The following GFRA1 variants were observed in gnomAD, a reference collection of about 807,000 sequenced individuals.
The protein encoded by GFRA1 is GDNF family receptor alpha 1.
GFRA1 carries 16 observed loss-of-function variants against 51.6 expected under a neutral mutation model. That is an observed-to-expected ratio of 0.31 (90% CI 0.21 to 0.47). The LOEUF is 0.47. GFRA1 is among the 20% of genes least tolerant of loss of function. The pLI is 1.00. For synonymous variants in GFRA1, 270 were observed against 241.3 expected (o/e 1.12, Z -1.10); for missense variants, 530 against 594.3 (o/e 0.89, Z 1.13).
chr10:116,150,302 C>A (rs1390262258), intron 5 of GFRA1, among the ~76,000 whole-genome samples: 1 of 152,132 alleles, frequency 6.6e-6, no homozygotes, highest in African/African-American at 2.4e-5. Context: ...AACTAATGTC[C>A]TTGCTGTCAC....
intron 6 of GFRA1, among the ~76,000 whole-genome samples, chr10:116,106,477 C>T (rs934630501): frequency 7.9e-5 from 12 of 152,208 alleles, no homozygotes; most frequent in African/African-American, 2.4e-4. Flanking sequence ...CCAAATCTCA[C>T]GCTGAAACGT....
intron 4 of GFRA1, among the ~76,000 whole-genome samples, chr10:116,257,346 C>A (rs1968949269): frequency 6.7e-6 from 1 of 150,172 alleles, no homozygotes; most frequent in Admixed American, 6.6e-5. Context: ...AGCCAGCCTG[C>A]CACAGAGACT....
chr10:116,062,492 CT>C lies in GFRA1; in HGVS notation c.*1905del, dbSNP rs768403936. On this transcript the variant is annotated 3_prime_UTR_variant, in exon 11 of 11. Transcript: ENST00000355422. Reference sequence around the variant, plus strand: ...TGATTAACATTTGGACACAAATATACTTTTAACACCAATAGAGCTGAAAGAC... The same window carrying C: ...TGATTAACATTTGGACACAAATATACTTTAACACCAATAGAGCTGAAAGAC... 1 of 177,882 alleles carries C rather than the reference CT, an allele frequency of 5.6e-6. No individual in the cohort carries two copies. Among genetic ancestry groups the C allele is most frequent in the Non-Finnish European group, 1.2e-5 (1 of 85,802 alleles). The allele number at this position is 177,882 out of a possible 1,614,324, so 11.0% of individuals were successfully genotyped here.
intron 5 of GFRA1, among the ~76,000 whole-genome samples, chr10:116,196,603 A>AT (rs1963817227): frequency 1.9e-5 from 1 of 52,750 alleles, no homozygotes; most frequent in African/African-American, 6.8e-5. Context: ...TATAATATAT[A>AT]TATAGTACTA....
chr10:116,073,937 G>A (rs1028327409), intron 9 of GFRA1, among the ~76,000 whole-genome samples: 2 of 152,030 alleles, frequency 1.3e-5, no homozygotes, highest in Non-Finnish European at 2.9e-5. Flanking sequence ...CATGGTTGGT[G>A]TTGCAAAAAA....
chr10:116,168,739 A>C (rs1312269623), intron 5 of GFRA1, among the ~76,000 whole-genome samples: 1 of 152,140 alleles, frequency 6.6e-6, no homozygotes, highest in African/African-American at 2.4e-5. Flanking sequence ...GCTCTGCTGA[A>C]TATCTCATAT....
chr10:116,108,722 G>C (rs559596937), intron 6 of GFRA1, among the ~76,000 whole-genome samples: 1 of 152,242 alleles, frequency 6.6e-6, no homozygotes, highest in South Asian at 2.1e-4. Context: ...CACTGGCTCT[G>C]CGCCCCGAGC....
intron 4 of GFRA1, among the ~76,000 whole-genome samples, chr10:116,227,995 T>C (rs1158073480): frequency 6.6e-6 from 1 of 152,214 alleles, no homozygotes; most frequent in East Asian, 1.9e-4. Context: ...AGAACAAAGC[T>C]CATTTCTGGA....
intron 4 of GFRA1, among the ~76,000 whole-genome samples, chr10:116,216,930 A>T (rs1279007105): frequency 3.3e-5 from 5 of 152,214 alleles, no homozygotes; most frequent in Admixed American, 3.3e-4. Context: ...CTGCCCCCTC[A>T]CCAAGGTTAA....
chr10:116,245,293 C>A (rs1967772836), intron 4 of GFRA1, among the ~76,000 whole-genome samples: 1 of 152,114 alleles, frequency 6.6e-6, no homozygotes, highest in South Asian at 2.1e-4. Context: ...AAAGAAGATA[C>A]ACAGATGGCA....
At position 116,158,621 on chromosome 10, in the gene GFRA1, T is replaced by C. The variant is rs1263488036; in HGVS notation, c.434-33064A>G. On this transcript the variant is annotated intron_variant, in intron 5 of 10. Transcript: ENST00000355422. ...ATTATTCCAGAGAAAAAGCCAGCAG[T>C]GCTGGGAGGACAGGATCAGCCTGGG... Among the ~76,000 whole-genome samples, 4 of 152,280 alleles carry C rather than the reference T, an allele frequency of 2.6e-5. No individual in the cohort carries two copies. The East Asian group carries it at 7.7e-4, about 29-fold the overall frequency.
At chr10:116,196,713 TAGTAC>T in intron 5 of GFRA1, among the ~76,000 whole-genome samples, 1 of 104,636 alleles carries the variant, frequency 9.6e-6, no homozygotes, top group African/African-American at 4.1e-5. Flanking sequence ...ATATTATATA[TAGTAC>T]TATATATAAT....
intron 5 of GFRA1, among the ~76,000 whole-genome samples, chr10:116,174,081 A>C (rs541787149): frequency 6.6e-6 from 1 of 151,444 alleles, no homozygotes; most frequent in Non-Finnish European, 1.5e-5. Context: ...ACTCCATTTC[A>C]AAAAAAAAGT....
At chr10:116,205,971 A>ACACAC (rs1565650617) in intron 5 of GFRA1, among the ~76,000 whole-genome samples, 2 of 93,406 alleles carry the variant, frequency 2.1e-5, no homozygotes, top group Admixed American at 2.2e-4. Context: ...CACACACACA[A>ACACAC]AGTGAATCTA....
chr10:116,093,644 TG>T, intron 8 of GFRA1, 57 bp downstream of exon 8: 1 of 1,504,116 alleles, frequency 6.6e-7, no homozygotes, highest in Non-Finnish European at 9.2e-7. Flanking sequence ...GAGGTACAGC[TG>T]GAGCTCGGAG....
intron 2 of GFRA1, 106 bp from the exon 3 acceptor site, chr10:116,271,221 C>G (rs1843906028): frequency 1.1e-6 from 1 of 879,306 alleles, no homozygotes; most frequent in Admixed American, 2.8e-5. Context: ...GACCAGCCTT[C>G]GGGGGCGCCC....
intron 9 of GFRA1, among the ~76,000 whole-genome samples, chr10:116,075,380 C>T (rs1267037748): frequency 6.6e-6 from 1 of 152,188 alleles, no homozygotes; most frequent in African/African-American, 2.4e-5. Flanking sequence ...CCTATGTCAT[C>T]ATCAGCAAAG....
At chr10:116,121,729 T>C (rs546238904) in intron 6 of GFRA1, among the ~76,000 whole-genome samples, 5 of 152,180 alleles carry the variant, frequency 3.3e-5, no homozygotes, top group Non-Finnish European at 7.4e-5. Context: ...GTTTCCCTCT[T>C]GCCATCCCTT....
chr10:116,160,140 T>A lies in GFRA1; in HGVS notation c.434-34583A>T, dbSNP rs2134173339. Among the ~76,000 whole-genome samples, 2 of 152,276 alleles carry A rather than the reference T, an allele frequency of 1.3e-5. 1 individual carries two copies. The highest frequency in any genetic ancestry group is 4.1e-4 in the South Asian group (2 of 4,832). On this transcript the variant is annotated intron_variant, in intron 5 of 10. Transcript: ENST00000355422. ...TCTCCTATTGCAGGATATAAAAGCCTTTTGGTTTTTGTCTTTTGGTTTTTA... is the reference window on the plus strand; with the variant it reads ...TCTCCTATTGCAGGATATAAAAGCCATTTGGTTTTTGTCTTTTGGTTTTTA...
Sources: gnomAD v4.1 joint callset for allele counts (sites outside exome capture counted in the v4.1 genomes callset) on GRCh38, gnomAD v4.1.1 for gene constraint, MANE v1.5 for transcripts, NCBI Gene and HGNC (gene_info 2026-07-23, HGNC 2026-07-21) for gene names.